Variants in KAZN observed in about 807,000 individuals in gnomAD.
KAZN encodes kazrin.
Under a neutral mutation model 87.4 loss-of-function variants are expected in KAZN, and 40 were observed. That is an observed-to-expected ratio of 0.46 (90% CI 0.36 to 0.60). KAZN has a LOEUF of 0.60. Among genes scored for constraint, KAZN ranks in the 20% least tolerant of loss-of-function variants. The pLI, the probability that KAZN is intolerant of heterozygous loss-of-function variation, is 0.00. For missense variants in KAZN, 898 were observed against 1,073.9 expected (o/e 0.84, Z 2.29); for synonymous variants, 466 against 458.3 (o/e 1.02, Z -0.22).
chr1:14,100,131 C>T (rs563067953), intron 1 of KAZN, among the ~76,000 whole-genome samples: 1 of 152,220 alleles, frequency 6.6e-6, no homozygotes, highest in South Asian at 2.1e-4. Context: ...CAACCAGCCC[C>T]TCACTAGCCC....
intron 10 of KAZN, among the ~76,000 whole-genome samples, chr1:15,097,503 T>C (rs1640853861): frequency 6.6e-6 from 1 of 152,124 alleles, no homozygotes; most frequent in South Asian, 2.1e-4. Context: ...CAATGCAGGA[T>C]AGACATGCTT....
intron 1 of KAZN, among the ~76,000 whole-genome samples, chr1:14,799,863 A>G (rs1332448842): frequency 6.6e-6 from 1 of 152,238 alleles, no homozygotes; most frequent in East Asian, 1.9e-4. Flanking sequence ...GACCCCCATC[A>G]GAATTCCTCT....
intron 1 of KAZN, among the ~76,000 whole-genome samples, chr1:14,919,825 C>T (rs1658301240): frequency 6.6e-6 from 1 of 152,230 alleles, no homozygotes; most frequent in African/African-American, 2.4e-5. Context: ...AACTTACCAT[C>T]GTGTTACAAT....
intron 1 of KAZN, among the ~76,000 whole-genome samples, chr1:14,862,179 G>T (rs776793233): frequency 6.6e-6 from 1 of 152,134 alleles, no homozygotes; most frequent in Non-Finnish European, 1.5e-5. Context: ...AGTGAGATTC[G>T]CACAGATCTC....
intron 1 of KAZN, among the ~76,000 whole-genome samples, chr1:14,119,316 C>G (rs1644700773): frequency 6.6e-6 from 1 of 152,086 alleles, no homozygotes; most frequent in Non-Finnish European, 1.5e-5. Flanking sequence ...TAAGCTCAGC[C>G]CAGAAGCTCT....
intron 2 of KAZN, among the ~76,000 whole-genome samples, chr1:14,466,829 T>C (rs1439992365): frequency 2.4e-4 from 37 of 152,114 alleles, no homozygotes; most frequent in African/African-American, 8.4e-4. Context: ...ATTAGCCTGT[T>C]GTGGTGGCGG....
At chr1:13,938,123 T>C (rs1401329291) in intron 1 of KAZN, among the ~76,000 whole-genome samples, 1 of 152,220 alleles carries the variant, frequency 6.6e-6, no homozygotes, top group Non-Finnish European at 1.5e-5. Context: ...CTTTGGGCAG[T>C]ATGGTCATTT....
At chr1:14,077,022 C>T (rs950162526) in intron 1 of KAZN, among the ~76,000 whole-genome samples, 6 of 152,142 alleles carry the variant, frequency 3.9e-5, no homozygotes, top group Non-Finnish European at 8.8e-5. Context: ...TTAGGGTCCC[C>T]GTTCTCAGCC....
chr1:14,340,153 A>G (rs577005510), intron 2 of KAZN, among the ~76,000 whole-genome samples: 3 of 152,332 alleles, frequency 2.0e-5, no homozygotes, highest in African/African-American at 7.2e-5. Flanking sequence ...GAGCATCCGC[A>G]CTGTGTGAGG....
At position 13,932,523 on chromosome 1, in the gene KAZN, G is replaced by A. The variant is rs575953075; in HGVS notation, c.91+38767G>A. Among the ~76,000 whole-genome samples the A allele has an allele frequency of 5.3e-5, 8 of 152,284 alleles. No individual in the cohort carries two copies. The South Asian group carries it at 1.4e-3, about 28-fold the overall frequency. On this transcript the variant is annotated intron_variant, in intron 1 of 16. Coordinates refer to the KAZN transcript ENST00000636203. ...GATCCGCCCGCCTCGGCCTCCCAAA[G>A]TGCTGGGATTACAGGCGTGAGCCAC...
In KAZN at chr1:14,824,113, C is replaced by CA. The variant is rs56851270; in HGVS notation, c.227-136553dup. Among the ~76,000 whole-genome samples the CA allele has an allele frequency of 2.4e-3, 306 of 125,240 alleles. 1 individual carries two copies. Among genetic ancestry groups the CA allele is most frequent in the African/African-American group, 6.5e-3 (215 of 33,240 alleles). The allele number at this position is 125,240 out of a possible 152,430, so 82.2% of individuals were successfully genotyped here. On this transcript the variant is annotated intron_variant, in intron 1 of 14. Coordinates refer to ENST00000376030, the MANE Select transcript of KAZN (RefSeq NM_201628.3). ...TGGGCAACAGAGCAAGACTCCATCT[C>CA]AAAAAAAAAAAAAAAAAAGGTTAAA...
At chr1:14,998,578 T>A (rs1190387935) in intron 2 of KAZN, among the ~76,000 whole-genome samples, 1 of 152,182 alleles carries the variant, frequency 6.6e-6, no homozygotes, top group African/African-American at 2.4e-5. Context: ...AGATGGAATC[T>A]CACTCTGCTG....
chr1:14,058,835 A>C (rs1211341378), intron 1 of KAZN, among the ~76,000 whole-genome samples: 1 of 152,230 alleles, frequency 6.6e-6, no homozygotes, highest in African/African-American at 2.4e-5. Flanking sequence ...AGGAACCAGC[A>C]TGCAATGAGA....
chr1:14,140,687 C>G (rs1472145103), intron 1 of KAZN, among the ~76,000 whole-genome samples: 1 of 152,060 alleles, frequency 6.6e-6, no homozygotes, highest in Non-Finnish European at 1.5e-5. Flanking sequence ...CACGTGTAAG[C>G]TGCTCCACCA....
At chr1:14,210,517 C>T (rs1460416398) in intron 2 of KAZN, among the ~76,000 whole-genome samples, 1 of 152,096 alleles carries the variant, frequency 6.6e-6, no homozygotes, top group South Asian at 2.1e-4. Context: ...GGGTCTAAAC[C>T]TTCTCCCTAA....
chr1:14,318,667 A>G (rs531571450), intron 2 of KAZN, among the ~76,000 whole-genome samples: 2 of 152,214 alleles, frequency 1.3e-5, no homozygotes, highest in East Asian at 3.9e-4. Context: ...CTTCTATAAC[A>G]TGTACATGAG....
intron 1 of KAZN, among the ~76,000 whole-genome samples, chr1:14,715,230 C>G (rs969446081): frequency 6.6e-6 from 1 of 152,178 alleles, no homozygotes; most frequent in African/African-American, 2.4e-5. Flanking sequence ...TTGCAGGGCC[C>G]TAACAGTGCA....
At chr1:14,043,910 G>A (rs1570599902) in intron 1 of KAZN, among the ~76,000 whole-genome samples, 1 of 152,192 alleles carries the variant, frequency 6.6e-6, no homozygotes, top group Non-Finnish European at 1.5e-5. Flanking sequence ...TCAAGCCCTA[G>A]GGGCTGAGAA....
chr1:14,412,911 G>T lies in KAZN; in HGVS notation c.250-186072G>T, dbSNP rs530906756. Among the ~76,000 whole-genome samples the T allele has an allele frequency of 1.2e-3, 178 of 149,904 alleles. 1 individual carries two copies. Among genetic ancestry groups the T allele is most frequent in the African/African-American group, 3.9e-3 (160 of 41,104 alleles). ...ATATGGACTCAGAAATAAATCAACT[G>T]ACTGAAATAGGATGCTCAGATTTAA... is the stretch of plus-strand genomic sequence containing the variant. On this transcript the variant is annotated intron_variant, in intron 2 of 16. Coordinates refer to the KAZN transcript ENST00000636203.
Sources: gnomAD v4.1 joint callset for allele counts (sites outside exome capture counted in the v4.1 genomes callset) on GRCh38, gnomAD v4.1.1 for gene constraint, MANE v1.5 for transcripts, NCBI Gene and HGNC (gene_info 2026-07-23, HGNC 2026-07-21) for gene names.